Variants in ATG4B observed in about 807,000 individuals in gnomAD.
ATG4B encodes the protein cysteine protease ATG4B.
In ATG4B, 29 loss-of-function variants were observed where a neutral mutation model predicts 56.6. That is an observed-to-expected ratio of 0.51 (90% CI 0.38 to 0.70). ATG4B has a LOEUF of 0.70. ATG4B is among the 30% of genes least tolerant of loss of function. The pLI, the probability that ATG4B is intolerant of heterozygous loss-of-function variation, is 0.00. For missense variants in ATG4B, 461 were observed against 515.5 expected (o/e 0.89, Z 1.02); for synonymous variants, 224 against 206.1 (o/e 1.09, Z -0.74).
chr2:241,638,080 C>T (rs2067735984), intron 1 of ATG4B, among the ~76,000 whole-genome samples: 2 of 151,580 alleles, frequency 1.3e-5, no homozygotes, highest in Admixed American at 6.6e-5. Flanking sequence ...CGGCGGCGAA[C>T]GGGGCGGCCG....
intron 6 of ATG4B, 21 bp from the exon 7 acceptor site, chr2:241,659,087 T>G: frequency 6.4e-7 from 1 of 1,569,286 alleles, no homozygotes; most frequent in African/African-American, 1.4e-5. Context: ...AAGCTTATGG[T>G]CATTCTCCTA....
At chr2:241,659,483 C>T in intron 7 of ATG4B, 1 of 434,352 alleles carries the variant, frequency 2.3e-6, no homozygotes, top group South Asian at 1.9e-5. Context: ...TGCTTAGGCG[C>T]CCTCGTGTGG....
chr2:241,641,912 A>G (rs1009673500), intron 1 of ATG4B, among the ~76,000 whole-genome samples: 1 of 152,206 alleles, frequency 6.6e-6, no homozygotes, highest in Non-Finnish European at 1.5e-5. Context: ...CATGCTCCCC[A>G]TTCAGACGAC....
At chr2:241,666,913 G>T in intron 8 of ATG4B, 75 bp downstream of exon 8, 1 of 1,473,186 alleles carries the variant, frequency 6.8e-7, no homozygotes, top group Non-Finnish European at 9.1e-7. Flanking sequence ...TCAGCGCATC[G>T]TCGTCACGTG....
chr2:241,638,614 T>A (rs920840443), intron 1 of ATG4B, among the ~76,000 whole-genome samples: 1 of 152,230 alleles, frequency 6.6e-6, no homozygotes, highest in Non-Finnish European at 1.5e-5. Context: ...TCATTCTGAA[T>A]GGGATTGTTT....
intron 4 of ATG4B, 64 bp from the exon 5 acceptor site, chr2:241,654,482 G>A (rs1282621152): frequency 5.2e-5 from 56 of 1,068,014 alleles, no homozygotes; most frequent in South Asian, 1.1e-4. Context: ...TATCTTTAGT[G>A]TGAAAGTGAA....
At chr2:241,638,674 G>A (rs189932789) in intron 1 of ATG4B, among the ~76,000 whole-genome samples, 1 of 152,250 alleles carries the variant, frequency 6.6e-6, no homozygotes, top group Non-Finnish European at 1.5e-5. Flanking sequence ...TAAGATCTGA[G>A]TTGGAAAACT....
At chr2:241,670,150 G>A (rs941608340) in intron 10 of ATG4B, among the ~76,000 whole-genome samples, 6 of 152,216 alleles carry the variant, frequency 3.9e-5, no homozygotes, top group African/African-American at 1.4e-4. Context: ...GTTTCTTTTT[G>A]TGTTAACATC....
chr2:241,643,077 G>T (rs1322937150), intron 1 of ATG4B, among the ~76,000 whole-genome samples: 2 of 151,366 alleles, frequency 1.3e-5, no homozygotes, highest in Admixed American at 6.6e-5. Flanking sequence ...TAGAGATGGG[G>T]TTTCACCATG....
In ATG4B at chr2:241,668,870, C is replaced by T. The variant is rs1473990895; in HGVS notation, c.957+185C>T. ...TGTCCTTGCACCCTCACGTCCCTCCCCCAGGCACCACCTCCTGTGCAGCCT... is the reference window on the plus strand; with the variant it reads ...TGTCCTTGCACCCTCACGTCCCTCCTCCAGGCACCACCTCCTGTGCAGCCT... On this transcript the variant is annotated intron_variant, in intron 10 of 12. Coordinates refer to ENST00000404914, the MANE Select transcript of ATG4B (RefSeq NM_013325.5). This position sits in a 1 kb window ranked among gnomAD's most constrained non-coding sequence, Gnocchi z 4.2. 1.2e-6 allele frequency: 1 copy of T among 806,820 alleles called. No homozygotes were observed. Among genetic ancestry groups the T allele is most frequent in the African/African-American group, 1.7e-5 (1 of 57,470 alleles). 50.0% of individuals were successfully genotyped at this position (806,820 alleles called of 1,614,324 possible). A position where few individuals can be genotyped will look rare whatever the true frequency, so the allele number is the denominator to read the frequency against.
chr2:241,641,566 A>C (rs1438537437), intron 1 of ATG4B, among the ~76,000 whole-genome samples: 1 of 151,152 alleles, frequency 6.6e-6, no homozygotes, highest in African/African-American at 2.4e-5. Context: ...AAAAAAAAAA[A>C]GAAACTCAGA....
At chr2:241,671,973 C>T in intron 12 of ATG4B, 1 of 1,412,036 alleles carries the variant, frequency 7.1e-7, no homozygotes, top group East Asian at 2.6e-5. Context: ...TGCCGGCCGC[C>T]CCCTGCCCTC....
At chr2:241,655,026 T>C in intron 5 of ATG4B, 1 of 586,966 alleles carries the variant, frequency 1.7e-6, no homozygotes, top group African/African-American at 1.9e-5. Flanking sequence ...GCACTGTGTT[T>C]TCACTTATAG....
Position 241,659,195 on chromosome 2 carries a change from G to A in ATG4B, c.538+8G>A, listed in dbSNP as rs200522008. 9.3e-6 allele frequency: 15 copies of A among 1,612,516 alleles called. No individual in the cohort carries two copies. The highest frequency in any genetic ancestry group is 1.3e-5 in the Non-Finnish European group (15 of 1,178,726). On this transcript the variant is annotated splice_region_variant and intron_variant, in intron 7 of 12. Coordinates refer to ENST00000404914, the MANE Select transcript of ATG4B (RefSeq NM_013325.5). ...TTGTGATGGAGGAAATCAGTAAGTG[G>A]CTCAGAGTTTCCATGGACAAGAAAG...
chr2:241,655,888 TC>T (rs1479773131), intron 6 of ATG4B, among the ~76,000 whole-genome samples: 1 of 152,214 alleles, frequency 6.6e-6, no homozygotes, highest in Non-Finnish European at 1.5e-5. Context: ...TCCCTGCAGT[TC>T]CAGAAACTTG....
At position 241,668,309 on chromosome 2, in the gene ATG4B, T is replaced by C; in HGVS notation, c.811+88T>C. On this transcript the variant is annotated intron_variant, in intron 9 of 12. Coordinates refer to ENST00000404914, the MANE Select transcript of ATG4B (RefSeq NM_013325.5). This position sits in a 1 kb window ranked among gnomAD's most constrained non-coding sequence, Gnocchi z 4.2. The stretch of plus-strand genomic sequence containing the variant: ...AGGTACCACACCCCAGGTGACCACT[T>C]GAGGCCACTGGTGGAAAAGCAGCAT... 3 of 1,467,768 alleles carry C rather than the reference T, an allele frequency of 2.0e-6. No homozygotes were observed. Among genetic ancestry groups the C allele is most frequent in the East Asian group, 5.0e-5 (2 of 40,378 alleles). 90.9% of individuals were successfully genotyped at this position (1,467,768 alleles called of 1,614,324 possible). A position where few individuals can be genotyped will look rare whatever the true frequency, so the allele number is the denominator to read the frequency against.
At chr2:241,670,620 T>C in intron 10 of ATG4B, 106 bp from the exon 11 acceptor site, 1 of 1,071,532 alleles carries the variant, frequency 9.3e-7, no homozygotes, top group South Asian at 1.4e-5. Flanking sequence ...AGCACCTGCA[T>C]GCTGGGGGCC....
chr2:241,638,781 A>G (rs1292158391), intron 1 of ATG4B, among the ~76,000 whole-genome samples: 2 of 152,228 alleles, frequency 1.3e-5, no homozygotes, highest in African/African-American at 2.4e-5. Flanking sequence ...TGACTCCCTA[A>G]GGAGCATGTT....
chr2:241,667,375 G>A (rs1040854886), intron 8 of ATG4B, among the ~76,000 whole-genome samples: 1 of 152,088 alleles, frequency 6.6e-6, no homozygotes, highest in African/African-American at 2.4e-5. Flanking sequence ...GGAGGGCAAA[G>A]CGGGCAGATC....
Sources: allele counts gnomAD v4.1 joint callset (sites outside exome capture counted in the v4.1 genomes callset), GRCh38; gene constraint gnomAD v4.1.1; non-coding constraint Gnocchi (gnomAD v3.1); transcripts MANE v1.5; gene names NCBI Gene and HGNC (gene_info 2026-07-23, HGNC 2026-07-21).